Variants in DLG2 observed in about 807,000 individuals in gnomAD.
DLG2 encodes the protein discs large MAGUK scaffold protein 2.
In DLG2, 45 loss-of-function variants were observed where a neutral mutation model predicts 132.5. The observed-to-expected ratio is 0.34, with a 90% CI of 0.27 to 0.44. The LOEUF (loss-of-function observed/expected upper bound fraction) is 0.44, where lower values mean the gene tolerates loss of function less well. Among genes scored for constraint, DLG2 ranks in the 20% least tolerant of loss-of-function variants. DLG2 has a pLI of 1.00. For missense variants in DLG2, 1,045 were observed against 1,196.9 expected (o/e 0.87, Z 1.87); for synonymous variants, 424 against 419.6 (o/e 1.01, Z -0.13).
intron 3 of DLG2, among the ~76,000 whole-genome samples, chr11:85,486,253 C>G (rs1304910070): frequency 6.6e-6 from 1 of 152,096 alleles, no homozygotes; most frequent in Non-Finnish European, 1.5e-5. Context: ...CCTGTGTGGG[C>G]TGCTGTGAGA....
Position 85,518,568 on chromosome 11 carries a change from C to T in DLG2, c.40+80089G>A, listed in dbSNP as rs368944351. 1.1e-4 allele frequency among the ~76,000 whole-genome samples: 17 copies of T among 152,264 alleles called. No homozygotes were observed. The East Asian group carries it at 1.4e-3, about 12-fold the overall frequency. On this transcript the variant is annotated intron_variant, in intron 3 of 27. Coordinates refer to ENST00000376104, the MANE Select transcript of DLG2 (RefSeq NM_001142699.3). Reference sequence around the variant, plus strand: ...ATTCAATTTTATAAGGGAAGCAGAGCACAAAAGTTTGGAAAATTTGCAGCC... The same window carrying T: ...ATTCAATTTTATAAGGGAAGCAGAGTACAAAAGTTTGGAAAATTTGCAGCC...
In DLG2 at chr11:85,351,882, C is replaced by A. The variant is rs1385935003; in HGVS notation, c.41-66517G>T. Among the ~76,000 whole-genome samples, 4 of 151,940 alleles carry A rather than the reference C, an allele frequency of 2.6e-5. 1 individual carries two copies. Among genetic ancestry groups the A allele is most frequent in the Non-Finnish European group, 5.9e-5 (4 of 67,938 alleles). ...GGGCTAAAATTCTCTTTTTTTGTTG[C>A]GTCCCTGTCAGGCTTTGGCATCAGG... On this transcript the variant is annotated intron_variant, in intron 3 of 27. Coordinates refer to ENST00000376104, the MANE Select transcript of DLG2 (RefSeq NM_001142699.3).
intron 6 of DLG2, among the ~76,000 whole-genome samples, chr11:85,019,814 T>G (rs2154139274): frequency 6.6e-6 from 1 of 152,330 alleles, no homozygotes; most frequent in East Asian, 1.9e-4. Context: ...TTTTTATAGC[T>G]GCATAGTACT....
chr11:85,573,137 T>G (rs1166464186), intron 3 of DLG2, among the ~76,000 whole-genome samples: 1 of 152,196 alleles, frequency 6.6e-6, no homozygotes, highest in African/African-American at 2.4e-5. Context: ...GAAGCCTCTC[T>G]GAAAGCTGAA....
intron 4 of DLG2, among the ~76,000 whole-genome samples, chr11:85,279,355 G>A (rs1308687232): frequency 2.0e-5 from 3 of 152,192 alleles, no homozygotes; most frequent in African/African-American, 7.2e-5. Context: ...AGAGGGGAGG[G>A]AAGGAAATAG....
chr11:84,582,127 T>C (rs1025962235), intron 6 of DLG2, among the ~76,000 whole-genome samples: 2 of 151,818 alleles, frequency 1.3e-5, no homozygotes, highest in Admixed American at 6.6e-5. Context: ...AGACGAACTA[T>C]AGCTTTCAAT....
At chr11:83,487,313 TGA>T (rs2093579573) in intron 21 of DLG2, among the ~76,000 whole-genome samples, 1 of 112,026 alleles carries the variant, frequency 8.9e-6, no homozygotes, top group Non-Finnish European at 1.9e-5. Context: ...CTATTAAAGA[TGA>T]TAAAACAATA....
intron 17 of DLG2, among the ~76,000 whole-genome samples, chr11:83,802,538 T>A (rs2044709110): frequency 6.6e-6 from 1 of 152,182 alleles, no homozygotes; most frequent in African/African-American, 2.4e-5. Context: ...CTATTATTCT[T>A]TATTTAAACT....
chr11:84,928,669 G>A (rs1272251863), intron 6 of DLG2, among the ~76,000 whole-genome samples: 1 of 151,574 alleles, frequency 6.6e-6, no homozygotes, highest in East Asian at 1.9e-4. Context: ...AGAAAGTCTG[G>A]CAATCTCATT....
chr11:85,541,715 C>A (rs1156263254), intron 3 of DLG2, among the ~76,000 whole-genome samples: 6 of 152,120 alleles, frequency 3.9e-5, no homozygotes, highest in Non-Finnish European at 8.8e-5. Flanking sequence ...TGATCCACCA[C>A]CTTCTAATTA....
intron 14 of DLG2, among the ~76,000 whole-genome samples, chr11:83,939,130 CCTAA>C (rs1481095787): frequency 1.3e-5 from 2 of 152,180 alleles, no homozygotes; most frequent in Non-Finnish European, 2.9e-5. Flanking sequence ...ATTAAACATT[CCTAA>C]CTGAGTATTT....
At chr11:84,266,649 G>C (rs551111339) in intron 7 of DLG2, among the ~76,000 whole-genome samples, 16 of 152,168 alleles carry the variant, frequency 1.1e-4, no homozygotes, top group Non-Finnish European at 2.1e-4. Context: ...CATGAACTGG[G>C]ACTGAAAGTC....
intron 7 of DLG2, among the ~76,000 whole-genome samples, chr11:84,489,183 T>A (rs1000887105): frequency 6.6e-6 from 1 of 152,144 alleles, no homozygotes; most frequent in African/African-American, 2.4e-5. Context: ...CTTCAAAGTT[T>A]ATGATAGTAT....
chr11:83,978,289 G>A (rs931859046), intron 12 of DLG2, among the ~76,000 whole-genome samples: 2 of 151,852 alleles, frequency 1.3e-5, no homozygotes, highest in African/African-American at 4.8e-5. Context: ...TACCAGAAGA[G>A]CTGCCTGCAA....
Position 84,534,612 on chromosome 11 carries a change from A to G in DLG2, c.477T>C (p.Asn159=). The G allele has an allele frequency of 1.2e-6, 2 of 1,613,882 alleles. No individual in the cohort carries two copies. The highest frequency in any genetic ancestry group is 1.7e-6 in the Non-Finnish European group (2 of 1,179,928). ...VSEKNLSQIE[N]VHGYVLQSHI... is the part of the protein sequence containing the mutation. ...GAGACTGCAAGACATATCCATGGAC[A>G]TTTTCTATTTGAGAGAGGTTCTTTT... Residue 159 remains asparagine, a synonymous_variant, in exon 7 of 28, where the codon AAT becomes AAC. Transcript: ENST00000376104.
chr11:84,040,388 G>C (rs1040403844), intron 11 of DLG2, among the ~76,000 whole-genome samples: 1 of 151,694 alleles, frequency 6.6e-6, no homozygotes, highest in African/African-American at 2.4e-5. Flanking sequence ...ATCTTGAATT[G>C]ATTTTTGTAT....
At chr11:83,577,655 A>G (rs1265541478) in intron 19 of DLG2, among the ~76,000 whole-genome samples, 1 of 125,684 alleles carries the variant, frequency 8.0e-6, no homozygotes, top group Non-Finnish European at 1.6e-5. Flanking sequence ...TTTATAATAT[A>G]TAATATTATA....
intron 4 of DLG2, among the ~76,000 whole-genome samples, chr11:85,169,149 T>C (rs953564383): frequency 1.3e-5 from 2 of 152,196 alleles, no homozygotes; most frequent in African/African-American, 2.4e-5. Context: ...GGGAACGCTA[T>C]AAAAATAGTT....
chr11:84,367,536 T>C (rs560013862), intron 7 of DLG2, among the ~76,000 whole-genome samples: 1 of 152,276 alleles, frequency 6.6e-6, no homozygotes, highest in South Asian at 2.1e-4. Flanking sequence ...ACTTAATCCC[T>C]AATATAACAA....
Sources: gnomAD v4.1 joint callset for allele counts (sites outside exome capture counted in the v4.1 genomes callset) on GRCh38, gnomAD v4.1.1 for gene constraint, MANE v1.5 for transcripts, NCBI Gene and HGNC (gene_info 2026-07-23, HGNC 2026-07-21) for gene names.